The following SHROOM4 variants were observed in gnomAD, a reference collection of about 807,000 sequenced individuals.
The protein encoded by SHROOM4 is protein Shroom4.
SHROOM4 carries 17 observed loss-of-function variants against 80.3 expected under a neutral mutation model. The ratio of observed to expected loss-of-function variants is 0.21; its 90% CI spans 0.14 to 0.32. SHROOM4 has a LOEUF of 0.32. Ranked by LOEUF, SHROOM4 falls within the 10% of genes least tolerant of loss-of-function variation. SHROOM4 has a pLI of 1.00. For synonymous variants in SHROOM4, 400 were observed against 437.5 expected (o/e 0.91, Z 1.07); for missense variants, 993 against 1,140.3 (o/e 0.87, Z 1.86).
At position 50,648,622 on chromosome X, in the gene SHROOM4, C is replaced by A. The variant is rs145917326; in HGVS notation, c.270-10314G>T. ...CAAAAGAAGGAGAGAGCACTGCTGC[C>A]TGAATCAAGAATGGCATCACAGAGC... On this transcript the variant is annotated intron_variant, in intron 2 of 8. Transcript: ENST00000376020. 1.2e-4 allele frequency among the ~76,000 whole-genome samples: 13 copies of A among 112,179 alleles called. No homozygotes were observed. In the East Asian group the frequency reaches 3.6e-3, roughly 31 times the overall value.
chrX:50,785,595 G>A (rs782503180), intron 1 of SHROOM4, among the ~76,000 whole-genome samples: 3 of 111,440 alleles, frequency 2.7e-5, no homozygotes, highest in Admixed American at 1.9e-4. Flanking sequence ...TGTATAATTC[G>A]ATTGGCATAA....
In SHROOM4 at chrX:50,586,898, C is replaced by T. The variant is rs1347583768; in HGVS notation, c.*9797G>A. Among the ~76,000 whole-genome samples the T allele has an allele frequency of 8.9e-6, 1 of 111,939 alleles. No individual in the cohort carries two copies. Among genetic ancestry groups the T allele is most frequent in the Non-Finnish European group, 1.9e-5 (1 of 53,151 alleles). On this transcript the variant is annotated 3_prime_UTR_variant, in exon 9 of 9. Transcript: ENST00000376020. Reference sequence around the variant, plus strand: ...GCTACAGTCATGCAAATTAAATATGCATTTCCTCACATAATTACCCTCTTT... The same window carrying T: ...GCTACAGTCATGCAAATTAAATATGTATTTCCTCACATAATTACCCTCTTT...
chrX:50,596,895 C>T lies in SHROOM4; in HGVS notation c.4282G>A (p.Val1428Met), dbSNP rs782221861. Residue 1428 changes from valine (V) to methionine (M), a missense_variant, in exon 9 of 9, where the codon GTG becomes ATG. Coordinates refer to ENST00000376020, the MANE Select transcript of SHROOM4 (RefSeq NM_020717.5). The stretch of plus-strand genomic sequence containing the variant: ...AACACCAACTTCTCCCGGCGGTCCA[C>T]GTGCTCCTTCAGCTCCTTGGCATCT... ...LADAKELKEHVDRREKLVFGM... is the reference protein window; with the variant it reads ...LADAKELKEHMDRREKLVFGM... 4.5e-5 allele frequency: 55 copies of T among 1,210,061 alleles called. No individual in the cohort carries two copies. Among genetic ancestry groups the T allele is most frequent in the Non-Finnish European group, 5.7e-5 (51 of 895,221 alleles).
intron 2 of SHROOM4, among the ~76,000 whole-genome samples, chrX:50,652,720 C>G (rs1932150171): frequency 8.9e-6 from 1 of 111,882 alleles, no homozygotes; most frequent in Non-Finnish European, 1.9e-5. Flanking sequence ...ACATTTAAGT[C>G]TTTAATCCAT....
chrX:50,784,687 T>C (rs1353686249), intron 1 of SHROOM4, among the ~76,000 whole-genome samples: 1 of 111,891 alleles, frequency 8.9e-6, no homozygotes, highest in African/African-American at 3.2e-5. Context: ...AGAAAAATCA[T>C]AGTTACATCG....
chrX:50,704,330 A>G lies in SHROOM4; in HGVS notation c.118-8393T>C, dbSNP rs2087973996. ...ACCAGACTGTTAGAGAGTGATGGGA[A>G]TAATTCTACTTGGATTAATATAATC... On this transcript the variant is annotated intron_variant, in intron 1 of 8. Transcript: ENST00000376020. 4.4e-5 allele frequency among the ~76,000 whole-genome samples: 5 copies of G among 112,468 alleles called. No individual in the cohort carries two copies. In the Admixed American group the frequency reaches 4.7e-4, roughly 11 times the overall value.
chrX:50,603,601 G>T (rs1157483451), intron 6 of SHROOM4, among the ~76,000 whole-genome samples: 1 of 111,659 alleles, frequency 9.0e-6, no homozygotes, highest in Non-Finnish European at 1.9e-5. Flanking sequence ...AGAATGAAAT[G>T]GGGAAAAAAA....
intron 3 of SHROOM4, among the ~76,000 whole-genome samples, chrX:50,636,714 T>C (rs1242237607): frequency 9.0e-5 from 10 of 111,294 alleles, no homozygotes; most frequent in Non-Finnish European, 1.5e-4. Context: ...TGGGACAGAT[T>C]ATTATCTACA....
At chrX:50,616,954 T>C (rs1301387765) in intron 5 of SHROOM4, among the ~76,000 whole-genome samples, 2 of 111,952 alleles carry the variant, frequency 1.8e-5, no homozygotes, top group African/African-American at 6.5e-5. Flanking sequence ...TTTTATGAAA[T>C]GCAGCAATAT....
intron 4 of SHROOM4, among the ~76,000 whole-genome samples, chrX:50,629,838 C>T (rs1218018278): frequency 9.0e-6 from 1 of 111,164 alleles, no homozygotes; most frequent in Non-Finnish European, 1.9e-5. Context: ...GGATCTCAGC[C>T]CTACTTCAGA....
At chrX:50,803,929 G>A (rs1936177032) in intron 1 of SHROOM4, among the ~76,000 whole-genome samples, 1 of 111,992 alleles carries the variant, frequency 8.9e-6, no homozygotes, top group African/African-American at 3.2e-5. Flanking sequence ...GCCTTTCAAA[G>A]TGCTGGCTGT....
chrX:50,736,058 G>C (rs1934483410), intron 1 of SHROOM4, among the ~76,000 whole-genome samples: 1 of 109,151 alleles, frequency 9.2e-6, no homozygotes, highest in African/African-American at 3.3e-5. Flanking sequence ...AGCCATCGGG[G>C]GAAAATGCTT....
At chrX:50,658,780 G>GA (rs1175277008) in intron 2 of SHROOM4, among the ~76,000 whole-genome samples, 3 of 111,312 alleles carry the variant, frequency 2.7e-5, no homozygotes, top group Non-Finnish European at 5.7e-5. Context: ...AGAGAACTTA[G>GA]GACAAAGAAA....
At chrX:50,766,739 G>T in intron 1 of SHROOM4, among the ~76,000 whole-genome samples, 1 of 111,359 alleles carries the variant, frequency 9.0e-6, no homozygotes, top group Non-Finnish European at 1.9e-5. Context: ...AATGTAAAAA[G>T]GAATAGTTTT....
chrX:50,749,753 A>G (rs1381587030), intron 1 of SHROOM4, among the ~76,000 whole-genome samples: 1 of 112,000 alleles, frequency 8.9e-6, no homozygotes, highest in African/African-American at 3.2e-5. Context: ...TGGCTAGGGC[A>G]TAAGATGTAT....
chrX:50,673,355 G>A (rs1243747148), intron 2 of SHROOM4, among the ~76,000 whole-genome samples: 3 of 111,105 alleles, frequency 2.7e-5, no homozygotes, highest in Non-Finnish European at 5.7e-5. Flanking sequence ...TGTGATACAT[G>A]ATGTATATCT....
chrX:50,671,013 A>T (rs1026821919), intron 2 of SHROOM4, among the ~76,000 whole-genome samples: 1 of 112,316 alleles, frequency 8.9e-6, no homozygotes, highest in Admixed American at 9.5e-5. Context: ...TGGATGAGTT[A>T]GCAGGCATGA....
chrX:50,607,728 TTCC>T lies in SHROOM4; in HGVS notation c.3411_3413del (p.Glu1151del), dbSNP rs143151534. The T allele has an allele frequency of 3.0e-4, 332 of 1,111,158 alleles. No homozygotes were observed. The highest frequency in any genetic ancestry group is 5.6e-4 in the East Asian group (18 of 32,360). The allele number at this position is 1,111,158 out of a possible 1,213,427, so 91.6% of individuals were successfully genotyped here. A position where few individuals can be genotyped will look rare whatever the true frequency, so the allele number is the denominator to read the frequency against. On this transcript the variant is annotated inframe_deletion, in exon 6 of 9. Coordinates refer to ENST00000376020, the MANE Select transcript of SHROOM4 (RefSeq NM_020717.5). ...CTTCCTCTTCCTCTTCTTCTTCTTCTTCCTCCTCCTCCTCCTCCTCCTGTTGCT... is the reference window on the plus strand; with the variant it reads ...CTTCCTCTTCCTCTTCTTCTTCTTCTTCCTCCTCCTCCTCCTCCTGTTGCT...
intron 7 of SHROOM4, among the ~76,000 whole-genome samples, chrX:50,601,821 A>G (rs1557247692): frequency 8.9e-6 from 1 of 111,853 alleles, no homozygotes; most frequent in Non-Finnish European, 1.9e-5. Context: ...TCTGTCTCCC[A>G]CAAAGTTGCA....
Sources: gnomAD v4.1 joint callset for allele counts (sites outside exome capture counted in the v4.1 genomes callset) on GRCh38, gnomAD v4.1.1 for gene constraint, MANE v1.5 for transcripts, NCBI Gene and HGNC (gene_info 2026-07-23, HGNC 2026-07-21) for gene names.